The following SPART variants were observed in gnomAD, a reference collection of about 807,000 sequenced individuals.
SPART encodes spartin.
SPART carries 35 observed loss-of-function variants against 58.7 expected under a neutral mutation model. The observed-to-expected ratio is 0.60, with a 90% confidence interval of 0.46 to 0.79. The LOEUF (loss-of-function observed/expected upper bound fraction) is 0.79, where lower values mean the gene tolerates loss of function less well. SPART is among the 30% of genes least tolerant of loss of function. SPART has a pLI of 0.00. For missense variants in SPART, 730 were observed against 786.1 expected (o/e 0.93, Z 0.85); for synonymous variants, 284 against 280.7 (o/e 1.01, Z -0.12).
chr13:36,358,947 G>A (rs754293377), intron 1 of SPART, among the ~76,000 whole-genome samples: 19 of 152,044 alleles, frequency 1.2e-4, no homozygotes, highest in Non-Finnish European at 2.4e-4. Context: ...TGTTTTGGGG[G>A]GCCAAGTGGA....
chr13:36,343,687 G>C (rs527855066), intron 1 of SPART, among the ~76,000 whole-genome samples: 1 of 152,172 alleles, frequency 6.6e-6, no homozygotes, highest in African/African-American at 2.4e-5. Flanking sequence ...CTGGCCCTCA[G>C]AAGCACCAAA....
upstream of SPART, among the ~76,000 whole-genome samples, chr13:36,348,971 A>G (rs559872717): frequency 2.0e-5 from 3 of 152,282 alleles, no homozygotes; most frequent in African/African-American, 7.2e-5. Flanking sequence ...AAACTTAACT[A>G]CAAAGCTGCA....
intron 1 of SPART, among the ~76,000 whole-genome samples, chr13:36,344,621 C>T (rs1411969183): frequency 6.6e-6 from 1 of 151,974 alleles, no homozygotes; most frequent in Non-Finnish European, 1.5e-5. Context: ...TTGCTATATC[C>T]TCAGCGGTCT....
chr13:36,330,429 T>TACACACAC (rs10547331), intron 3 of SPART, among the ~76,000 whole-genome samples: 3 of 150,118 alleles, frequency 2.0e-5, no homozygotes, highest in Non-Finnish European at 4.4e-5. Context: ...TATATTTTCA[T>TACACACAC]ACACACACAC....
chr13:36,357,587 T>A (rs756766384), intron 1 of SPART, among the ~76,000 whole-genome samples: 5 of 152,196 alleles, frequency 3.3e-5, no homozygotes, highest in Admixed American at 3.3e-4. Flanking sequence ...ATAAGTGGAA[T>A]GTGAAAGAAC....
chr13:36,332,324 C>T (rs1183555268), intron 2 of SPART, among the ~76,000 whole-genome samples: 1 of 152,038 alleles, frequency 6.6e-6, no homozygotes, highest in Non-Finnish European at 1.5e-5. Context: ...TGGTGAAACC[C>T]CCATCTCTAC....
chr13:36,355,344 A>G (rs1885580842), intron 1 of SPART, among the ~76,000 whole-genome samples: 2 of 152,170 alleles, frequency 1.3e-5, no homozygotes, highest in Admixed American at 1.3e-4. Flanking sequence ...TGTATTTTGT[A>G]TTAAGTTATC....
intron 5 of SPART, among the ~76,000 whole-genome samples, chr13:36,315,667 A>T (rs1326800488): frequency 6.6e-6 from 1 of 152,224 alleles, no homozygotes. Flanking sequence ...TTCAAACCCA[A>T]GCAAACAGGC....
At chr13:36,355,731 T>G (rs1366546925) in intron 1 of SPART, among the ~76,000 whole-genome samples, 2 of 152,208 alleles carry the variant, frequency 1.3e-5, no homozygotes, top group African/African-American at 4.8e-5. Context: ...CTTTTAAAAT[T>G]TAACCTGAGA....
intron 5 of SPART, among the ~76,000 whole-genome samples, chr13:36,317,569 C>T (rs912407927): frequency 6.6e-6 from 1 of 151,718 alleles, no homozygotes; most frequent in Non-Finnish European, 1.5e-5. Flanking sequence ...TTTCTGCACC[C>T]CATCCCTTAT....
At chr13:36,326,181 G>C in intron 5 of SPART, 1 of 288,878 alleles carries the variant, frequency 3.5e-6, no homozygotes, top group Non-Finnish European at 6.7e-6. Context: ...CATCACCTCA[G>C]GGGTTAGGAT....
intron 1 of SPART, among the ~76,000 whole-genome samples, chr13:36,341,130 A>G (rs1884539703): frequency 6.6e-6 from 1 of 152,190 alleles, no homozygotes; most frequent in Non-Finnish European, 1.5e-5. Flanking sequence ...AAAAGACCAA[A>G]AGAATTGGGT....
At chr13:36,358,871 T>G (rs1352658703) in intron 1 of SPART, among the ~76,000 whole-genome samples, 2 of 152,362 alleles carry the variant, frequency 1.3e-5, no homozygotes, top group East Asian at 3.9e-4. Context: ...GATTAACTTT[T>G]TTAGATAAAA....
At chr13:36,355,388 C>G (rs959834662) in intron 1 of SPART, among the ~76,000 whole-genome samples, 1 of 152,074 alleles carries the variant, frequency 6.6e-6, no homozygotes, top group Admixed American at 6.5e-5. Context: ...TTCTGAGTGC[C>G]AGAAAGGAAA....
At chr13:36,333,461 G>A (rs1883659777) in intron 2 of SPART, among the ~76,000 whole-genome samples, 1 of 141,020 alleles carries the variant, frequency 7.1e-6, no homozygotes. Flanking sequence ...AAAACATTCA[G>A]TAAACACATA....
chr13:36,321,434 T>A (rs1014654003), intron 5 of SPART, among the ~76,000 whole-genome samples: 1 of 152,200 alleles, frequency 6.6e-6, no homozygotes, highest in Admixed American at 6.5e-5. Context: ...CTTTTATACC[T>A]GTTTTTCTCC....
upstream of SPART, among the ~76,000 whole-genome samples, chr13:36,347,445 T>A (rs775117816): frequency 9.2e-5 from 14 of 152,136 alleles, no homozygotes; most frequent in Non-Finnish European, 2.1e-4. Context: ...TCTTGAAAGC[T>A]TGACCTCAAG....
chr13:36,352,265 A>T (rs1885446190), intron 1 of SPART, among the ~76,000 whole-genome samples: 4 of 152,352 alleles, frequency 2.6e-5, no homozygotes, highest in Non-Finnish European at 4.4e-5. Flanking sequence ...GACCAAATAT[A>T]GTGGATGATG....
intron 1 of SPART, among the ~76,000 whole-genome samples, chr13:36,366,375 C>T (rs1455167510): frequency 3.3e-5 from 5 of 152,190 alleles, no homozygotes; most frequent in African/African-American, 9.7e-5. Flanking sequence ...AGCACCACAT[C>T]ACTTACCTGG....
Sources: gnomAD v4.1 joint callset for allele counts (sites outside exome capture counted in the v4.1 genomes callset) on GRCh38, gnomAD v4.1.1 for gene constraint, MANE v1.5 for transcripts, NCBI Gene and HGNC (gene_info 2026-07-23, HGNC 2026-07-21) for gene names.